GRID2: variants seen among roughly 807,000 people sequenced by gnomAD.
GRID2 encodes glutamate ionotropic receptor delta type subunit 2, also known as glutamate receptor ionotropic, delta-2.
GRID2 carries 33 observed loss-of-function variants against 114.8 expected under a neutral mutation model. The observed-to-expected ratio is 0.29, with a 90% confidence interval of 0.22 to 0.38. The LOEUF (loss-of-function observed/expected upper bound fraction) is 0.38. Among genes scored for constraint, GRID2 ranks in the 10% least tolerant of loss-of-function variants. GRID2 has a pLI of 1.00. For missense variants in GRID2, 1,184 were observed against 1,257.7 expected (o/e 0.94, Z 0.89); for synonymous variants, 505 against 449.9 (o/e 1.12, Z -1.55).
chr4:92,951,333 T>TTTA lies in GRID2; in HGVS notation c.245-133660_245-133659insATT, dbSNP rs1752018815. Among the ~76,000 whole-genome samples, 24 of 150,496 alleles carry TTTA rather than the reference T, an allele frequency of 1.6e-4. 1 individual carries two copies. The South Asian group carries it at 4.6e-3, about 29-fold the overall frequency. On this transcript the variant is annotated intron_variant, in intron 2 of 15. Transcript: ENST00000282020. ...TTGTTCTCCAAAAATTCGCAAAATT[T>TTTA]TTTATTTATTTATTTATTTATTTAT...
chr4:93,287,712 T>C (rs563697645), intron 8 of GRID2, among the ~76,000 whole-genome samples: 9 of 152,310 alleles, frequency 5.9e-5, no homozygotes, highest in African/African-American at 2.2e-4. Context: ...AATGGCTATG[T>C]TAATATTTTA....
chr4:93,068,457 C>T (rs542672925), intron 2 of GRID2, among the ~76,000 whole-genome samples: 2 of 152,004 alleles, frequency 1.3e-5, no homozygotes, highest in Non-Finnish European at 2.9e-5. Flanking sequence ...CAGAACATTT[C>T]TTTGCAATTG....
At chr4:93,320,710 G>GT (rs967667950) in intron 8 of GRID2, among the ~76,000 whole-genome samples, 19 of 151,562 alleles carry the variant, frequency 1.3e-4, no homozygotes, top group African/African-American at 3.9e-4. Context: ...ATATTGCTGG[G>GT]TTTTTTTACA....
At chr4:93,665,457 A>T (rs910030448) in intron 14 of GRID2, among the ~76,000 whole-genome samples, 2 of 152,184 alleles carry the variant, frequency 1.3e-5, no homozygotes, top group African/African-American at 4.8e-5. Context: ...GCCTACATTC[A>T]GCTCATTTTA....
chr4:92,431,533 G>A (rs1302221572), intron 1 of GRID2, among the ~76,000 whole-genome samples: 1 of 150,584 alleles, frequency 6.6e-6, no homozygotes, highest in Non-Finnish European at 1.5e-5. Flanking sequence ...GTGTTCAACA[G>A]GGATATTGGC....
chr4:92,887,264 C>T (rs549619280), intron 2 of GRID2, among the ~76,000 whole-genome samples: 8 of 152,300 alleles, frequency 5.3e-5, no homozygotes, highest in Middle Eastern at 3.4e-3. Flanking sequence ...CCAGAGGGTG[C>T]CCCAACTCAG....
intron 10 of GRID2, among the ~76,000 whole-genome samples, chr4:93,453,336 G>GAGAGAA (rs1475159472): frequency 4.7e-5 from 7 of 150,428 alleles, no homozygotes; most frequent in African/African-American, 1.7e-4. Context: ...GAGAGAGAGA[G>GAGAGAA]AGAGAGAGAG....
At chr4:93,718,674 C>T (rs568463990) in intron 14 of GRID2, among the ~76,000 whole-genome samples, 2 of 152,132 alleles carry the variant, frequency 1.3e-5, no homozygotes, top group African/African-American at 2.4e-5. Flanking sequence ...TCAATCCATT[C>T]CTGATGGCCA....
At chr4:92,837,330 A>G (rs1454756508) in intron 2 of GRID2, among the ~76,000 whole-genome samples, 2 of 152,094 alleles carry the variant, frequency 1.3e-5, no homozygotes, top group Non-Finnish European at 2.9e-5. Flanking sequence ...CTTTAAGACC[A>G]GAAGGGTCCA....
At chr4:92,421,598 G>C (rs560514967) in intron 1 of GRID2, among the ~76,000 whole-genome samples, 45 of 152,246 alleles carry the variant, frequency 3.0e-4, no homozygotes, top group Non-Finnish European at 6.0e-4. Context: ...CAAGGCTGCT[G>C]TTATTCAAAC....
chr4:92,428,882 A>G (rs1732295377), intron 1 of GRID2, among the ~76,000 whole-genome samples: 1 of 152,150 alleles, frequency 6.6e-6, no homozygotes, highest in African/African-American at 2.4e-5. Flanking sequence ...TTTTTAAATT[A>G]TACTTTAAGT....
At chr4:93,394,085 A>G (rs779044247) in intron 8 of GRID2, among the ~76,000 whole-genome samples, 3 of 152,016 alleles carry the variant, frequency 2.0e-5, no homozygotes, top group East Asian at 3.9e-4. Context: ...AGTAATTAGA[A>G]AAAGCACACA....
chr4:92,722,182 G>A (rs964122843), intron 2 of GRID2, among the ~76,000 whole-genome samples: 1 of 152,164 alleles, frequency 6.6e-6, no homozygotes. Flanking sequence ...GAAGCTGGTA[G>A]TGAATGAAGA....
chr4:93,307,950 T>TTA (rs1755609612), intron 8 of GRID2, among the ~76,000 whole-genome samples: 1 of 150,340 alleles, frequency 6.7e-6, no homozygotes, highest in African/African-American at 2.5e-5. Flanking sequence ...TTTTTTTTTT[T>TTA]AAAAACTTTT....
rs70940887 is a variant in GRID2, at chr4:92,411,655, G to GTATA, written c.88+106931_88+106934dup. Among the ~76,000 whole-genome samples, 296 of 84,686 alleles carry GTATA rather than the reference G, an allele frequency of 3.5e-3. 7 individuals are homozygous for GTATA. Among genetic ancestry groups the GTATA allele is most frequent in the African/African-American group, 0.013 (227 of 17,094 alleles). The allele number at this position is 84,686 out of a possible 152,430, so 55.6% of individuals were successfully genotyped here. On this transcript the variant is annotated intron_variant, in intron 1 of 15. Coordinates refer to ENST00000282020, the MANE Select transcript of GRID2 (RefSeq NM_001510.4). ...TGTGTGTGTGTGTGTGTGTGTGTGT[G>GTATA]TATATATATATATATATATATATGA... is the stretch of plus-strand genomic sequence containing the variant.
rs576943547 is a variant in GRID2 at position 93,079,251 on chromosome 4, C to T, written c.245-5744C>T. On this transcript the variant is annotated intron_variant, in intron 2 of 15. Coordinates refer to ENST00000282020, the MANE Select transcript of GRID2 (RefSeq NM_001510.4). The stretch of plus-strand genomic sequence containing the variant: ...AATACTTTCTAGGTTCTTCTCAGTA[C>T]CATTTTGCAGCCTTGTTGAAATTTT... 3.9e-5 allele frequency among the ~76,000 whole-genome samples: 6 copies of T among 151,960 alleles called. No homozygotes were observed. The South Asian group carries it at 8.3e-4, about 21-fold the overall frequency.
chr4:93,505,467 A>G (rs1334366470), intron 12 of GRID2, among the ~76,000 whole-genome samples: 1 of 151,608 alleles, frequency 6.6e-6, no homozygotes, highest in African/African-American at 2.4e-5. Flanking sequence ...TAAGTATTGC[A>G]GCTTTTTTAT....
intron 2 of GRID2, among the ~76,000 whole-genome samples, chr4:92,918,110 G>A (rs1434501795): frequency 6.6e-6 from 1 of 152,094 alleles, no homozygotes; most frequent in Non-Finnish European, 1.5e-5. Context: ...TCTCTTTGAA[G>A]CAATTGTGAG....
chr4:93,104,400 G>A (rs895245575), intron 3 of GRID2, among the ~76,000 whole-genome samples: 15 of 151,976 alleles, frequency 9.9e-5, no homozygotes, highest in South Asian at 4.1e-4. Context: ...CTGGTGTGCT[G>A]CACCCATTAA....
Sources: allele counts gnomAD v4.1 joint callset (sites outside exome capture counted in the v4.1 genomes callset), GRCh38; gene constraint gnomAD v4.1.1; transcripts MANE v1.5; gene names NCBI Gene and HGNC (gene_info 2026-07-23, HGNC 2026-07-21).